The following KDM4C variants were observed in gnomAD, a reference collection of about 807,000 sequenced individuals.
KDM4C encodes the protein lysine demethylase 4C, also known as lysine-specific demethylase 4C.
In KDM4C, 81 loss-of-function variants were observed where a neutral mutation model predicts 129.3. The ratio of observed to expected loss-of-function variants is 0.63; its 90% CI spans 0.52 to 0.75. The LOEUF (loss-of-function observed/expected upper bound fraction) is 0.75, where lower values mean the gene tolerates loss of function less well. Among genes scored for constraint, KDM4C ranks in the 30% least tolerant of loss-of-function variants. The pLI, the probability that KDM4C is intolerant of heterozygous loss-of-function variation, is 0.00. For missense variants in KDM4C, 1,457 were observed against 1,304.0 expected (o/e 1.12, Z -1.81); for synonymous variants, 573 against 456.1 (o/e 1.26, Z -3.26).
chr9:6,998,764 C>A (rs1235232819), intron 12 of KDM4C, among the ~76,000 whole-genome samples: 2 of 152,046 alleles, frequency 1.3e-5, no homozygotes, highest in Admixed American at 6.6e-5. Flanking sequence ...CTATTGCACT[C>A]CAGCCTGGGC....
chr9:6,744,295 A>G (rs938246313), intron 1 of KDM4C, among the ~76,000 whole-genome samples: 3 of 152,050 alleles, frequency 2.0e-5, no homozygotes, highest in African/African-American at 7.2e-5. Flanking sequence ...GGAGGCTGAG[A>G]CGGGCAGATC....
chr9:7,098,918 A>G (rs971653557), intron 17 of KDM4C, among the ~76,000 whole-genome samples: 2 of 152,196 alleles, frequency 1.3e-5, no homozygotes, highest in Non-Finnish European at 2.9e-5. Flanking sequence ...AAAGGATTCT[A>G]TTACGAACCC....
intron 17 of KDM4C, among the ~76,000 whole-genome samples, chr9:7,049,873 A>T (rs1040894875): frequency 1.3e-4 from 20 of 152,112 alleles, no homozygotes; most frequent in African/African-American, 3.6e-4. Context: ...TTGCATACCT[A>T]ATTAGAACTT....
chr9:7,066,898 G>A (rs1159490502), intron 17 of KDM4C, among the ~76,000 whole-genome samples: 1 of 152,142 alleles, frequency 6.6e-6, no homozygotes, highest in Non-Finnish European at 1.5e-5. Context: ...GTTTCTCAAA[G>A]CAATTCATAA....
At chr9:6,818,371 C>G (rs910560086) in intron 4 of KDM4C, among the ~76,000 whole-genome samples, 2 of 152,086 alleles carry the variant, frequency 1.3e-5, no homozygotes, top group Non-Finnish European at 2.9e-5. Context: ...TAATAAATTT[C>G]TTATGAGCTA....
At position 6,889,252 on chromosome 9, in the gene KDM4C, G is replaced by GTGTGTGTGTGT. The variant is rs747649175; in HGVS notation, c.783+1189_783+1190insTGTGTGTGTGT. 9.9e-3 allele frequency among the ~76,000 whole-genome samples: 743 copies of GTGTGTGTGTGT among 75,052 alleles called. 18 individuals carry two copies. The highest frequency in any genetic ancestry group is 0.078 in the South Asian group (141 of 1,802). The allele number at this position is 75,052 out of a possible 152,430, so 49.2% of individuals were successfully genotyped here. A position where few individuals can be genotyped will look rare whatever the true frequency, so the allele number is the denominator to read the frequency against. On this transcript the variant is annotated intron_variant, in intron 7 of 21. Transcript: ENST00000381309. ...GTGTGTGTGTGTGTGTGTGTGTGTG[G>GTGTGTGTGTGT]GAGGGTGGGGGGGATTTGTTCAAAG... is the stretch of plus-strand genomic sequence containing the variant.
In KDM4C at chr9:6,925,297, G is replaced by A. The variant is rs534292035; in HGVS notation, c.921+32065G>A. On this transcript the variant is annotated intron_variant, in intron 8 of 21. Coordinates refer to ENST00000381309, the MANE Select transcript of KDM4C (RefSeq NM_015061.6). ...GTTACTATGGGAAAATATAATAATG[G>A]AGGTCAAATAAAGGAGACACAAGCT... The A allele has an allele frequency of 4.1e-6, 4 of 985,246 alleles. No individual in the cohort carries two copies. In the South Asian group the frequency reaches 1.4e-4, roughly 35 times the overall value. 61.0% of individuals were successfully genotyped at this position (985,246 alleles called of 1,614,324 possible).
At chr9:7,003,994 G>A (rs975791645) in intron 12 of KDM4C, among the ~76,000 whole-genome samples, 7 of 152,092 alleles carry the variant, frequency 4.6e-5, no homozygotes, top group African/African-American at 9.7e-5. Context: ...TACCTGAAAC[G>A]TAACAGATGC....
intron 15 of KDM4C, among the ~76,000 whole-genome samples, chr9:7,019,458 T>A (rs200084766): frequency 7.3e-6 from 1 of 137,488 alleles, no homozygotes; most frequent in African/African-American, 2.7e-5. Context: ...ATTTTTTTTT[T>A]AAAAAACCTG....
At chr9:6,934,233 T>C (rs1824299321) in intron 8 of KDM4C, among the ~76,000 whole-genome samples, 1 of 151,750 alleles carries the variant, frequency 6.6e-6, no homozygotes, top group African/African-American at 2.4e-5. Context: ...GGTAATCCTA[T>C]CACTTTGGGA....
intron 15 of KDM4C, among the ~76,000 whole-genome samples, chr9:7,017,444 C>G (rs1384862329): frequency 4.6e-5 from 7 of 152,064 alleles, no homozygotes; most frequent in Non-Finnish European, 1.0e-4. Context: ...AAAAATTTAC[C>G]TTACTACTTT....
intron 8 of KDM4C, among the ~76,000 whole-genome samples, chr9:6,908,037 A>G (rs1302000640): frequency 6.6e-6 from 1 of 152,184 alleles, no homozygotes; most frequent in Non-Finnish European, 1.5e-5. Context: ...TTTTCCTTAT[A>G]ACCTTGACCT....
intron 20 of KDM4C, among the ~76,000 whole-genome samples, chr9:7,166,916 A>G (rs1844448593): frequency 6.6e-6 from 1 of 152,244 alleles, no homozygotes; most frequent in Non-Finnish European, 1.5e-5. Flanking sequence ...AAAATTCCTC[A>G]TTAAGCCAAG....
intron 12 of KDM4C, among the ~76,000 whole-genome samples, chr9:7,007,287 A>G (rs1821848502): frequency 1.3e-5 from 2 of 152,146 alleles, no homozygotes; most frequent in Non-Finnish European, 2.9e-5. Flanking sequence ...TACTTGCTAC[A>G]AGGAATGACA....
intron 19 of KDM4C, among the ~76,000 whole-genome samples, chr9:7,151,714 T>A (rs1225570250): frequency 6.6e-6 from 1 of 152,134 alleles, no homozygotes; most frequent in Non-Finnish European, 1.5e-5. Context: ...ACAGTAGACT[T>A]GGATAGACTT....
At chr9:6,874,100 CAT>C (rs1843218601) in intron 5 of KDM4C, among the ~76,000 whole-genome samples, 1 of 152,130 alleles carries the variant, frequency 6.6e-6, no homozygotes, top group Non-Finnish European at 1.5e-5. Flanking sequence ...GACACATCAC[CAT>C]AACAGATATA....
At chr9:6,903,365 T>A (rs928115137) in intron 8 of KDM4C, among the ~76,000 whole-genome samples, 2 of 152,238 alleles carry the variant, frequency 1.3e-5, no homozygotes, top group African/African-American at 2.4e-5. Context: ...TTTCTTTTTT[T>A]AAATCATATT....
At chr9:7,042,309 T>G (rs1360454704) in intron 15 of KDM4C, among the ~76,000 whole-genome samples, 1 of 152,066 alleles carries the variant, frequency 6.6e-6, no homozygotes, top group Non-Finnish European at 1.5e-5. Context: ...CTCTCCAGTT[T>G]CACTGTTGTT....
intron 19 of KDM4C, among the ~76,000 whole-genome samples, chr9:7,136,158 A>G (rs571411236): frequency 2.6e-5 from 4 of 152,304 alleles, no homozygotes; most frequent in African/African-American, 7.2e-5. Flanking sequence ...ACGCTTTGCA[A>G]TGTTTACTCC....
Sources: allele counts gnomAD v4.1 joint callset (sites outside exome capture counted in the v4.1 genomes callset), GRCh38; gene constraint gnomAD v4.1.1; transcripts MANE v1.5; gene names NCBI Gene and HGNC (gene_info 2026-07-23, HGNC 2026-07-21).